Variants in SLC37A1 observed in about 807,000 individuals in gnomAD.
SLC37A1 encodes the protein solute carrier family 37 member 1, also known as glucose-6-phosphate exchanger SLC37A1.
A neutral mutation model predicts 75.3 loss-of-function variants in SLC37A1; 49 were observed. The ratio of observed to expected loss-of-function variants is 0.65; its 90% CI spans 0.52 to 0.83. SLC37A1 has a LOEUF of 0.83. SLC37A1 is among the 40% of genes least tolerant of loss of function. The pLI, the probability that SLC37A1 is intolerant of heterozygous loss-of-function variation, is 0.00. For synonymous variants in SLC37A1, 268 were observed against 292.1 expected (o/e 0.92, Z 0.84); for missense variants, 566 against 695.0 (o/e 0.81, Z 2.09).
rs2055455401 is a variant in SLC37A1, at chr21:42,547,980, C to T, written c.768+840C>T. Among the ~76,000 whole-genome samples, 1 of 152,170 alleles carries T rather than the reference C, an allele frequency of 6.6e-6. No homozygotes were observed. The highest frequency in any genetic ancestry group is 1.5e-5 in the Non-Finnish European group (1 of 68,024). On this transcript the variant is annotated intron_variant, in intron 9 of 19. Transcript: ENST00000352133. The surrounding 1 kb of genome is among the most constrained non-coding windows in gnomAD (Gnocchi z 6.1). ...CACATAGGGTGGTCAGCTCTCTGGC[C>T]TCACCCTGCTGGGCCCGTCGCCCGC...
At chr21:42,500,008 C>T (rs12482149) in intron 1 of SLC37A1, among the ~76,000 whole-genome samples, 4,591 of 152,334 alleles carry the variant, frequency 0.03, 114 homozygotes, top group Non-Finnish European at 0.045. Context: ...TTGGCAGTTG[C>T]CATGGCGACT....
chr21:42,571,541 C>G (rs1027599312), intron 17 of SLC37A1, among the ~76,000 whole-genome samples: 2 of 152,124 alleles, frequency 1.3e-5, no homozygotes, highest in African/African-American at 4.8e-5. Flanking sequence ...CCCCAGCCCT[C>G]TCTTTCTAGA....
At chr21:42,522,771 A>C (rs1204388800) in intron 2 of SLC37A1, among the ~76,000 whole-genome samples, 1 of 152,236 alleles carries the variant, frequency 6.6e-6, no homozygotes, top group Non-Finnish European at 1.5e-5. Context: ...ACACCGTGGC[A>C]GTGACTCTTC....
At chr21:42,579,953 T>G (rs380161) in intron 19 of SLC37A1, among the ~76,000 whole-genome samples, 153 bp downstream of exon 19, 94,904 of 152,100 alleles carry the variant, frequency 0.62, 30,329 homozygotes, top group Admixed American at 0.7. Context: ...CTTTTTCTTT[T>G]CTAATAAATA....
intron 10 of SLC37A1, among the ~76,000 whole-genome samples, chr21:42,556,209 A>C (rs2055687480): frequency 6.6e-6 from 1 of 152,084 alleles, no homozygotes; most frequent in Non-Finnish European, 1.5e-5. Context: ...GTTTTAGAGG[A>C]TTGTCTTGGG....
intron 12 of SLC37A1, among the ~76,000 whole-genome samples, chr21:42,562,884 C>A (rs1180185718): frequency 1.3e-5 from 2 of 152,116 alleles, no homozygotes; most frequent in Admixed American, 6.5e-5. Flanking sequence ...GGGGCAGAAT[C>A]CGGCAATGTC....
intron 17 of SLC37A1, among the ~76,000 whole-genome samples, chr21:42,572,601 T>G (rs978741041): frequency 6.6e-6 from 1 of 150,976 alleles, no homozygotes; most frequent in Admixed American, 6.7e-5. Context: ...TTCTCTGCCC[T>G]TTCAGTGCAT....
intron 2 of SLC37A1, among the ~76,000 whole-genome samples, chr21:42,525,233 A>C (rs1252907280): frequency 6.6e-6 from 1 of 152,224 alleles, no homozygotes; most frequent in Admixed American, 6.5e-5. Flanking sequence ...TGTTTCCCTG[A>C]GTTCTACGAG....
chr21:42,539,682 G>A (rs1398700010), intron 6 of SLC37A1, 35 bp downstream of exon 6: 2 of 1,591,202 alleles, frequency 1.3e-6, no homozygotes, highest in African/African-American at 2.7e-5. Flanking sequence ...CCATGTACGG[G>A]GTTTCCTTGG....
At chr21:42,525,153 T>C (rs904051097) in intron 2 of SLC37A1, among the ~76,000 whole-genome samples, 2 of 152,220 alleles carry the variant, frequency 1.3e-5, no homozygotes, top group African/African-American at 4.8e-5. Context: ...CCCTGCCCCA[T>C]ACCTCGCCCT....
rs369143391 is a variant in SLC37A1, at chr21:42,526,678, C to T, written c.138+821C>T. 3.8e-3 allele frequency among the ~76,000 whole-genome samples: 584 copies of T among 152,274 alleles called. 5 individuals carry two copies. The highest frequency in any genetic ancestry group is 0.014 in the African/African-American group (563 of 41,556). ...AATGCAGAGGCTGGCTGTTTTGTGA[C>T]GGTCCTAGGTTCCCCACTCTCCAGC... On this transcript the variant is annotated intron_variant, in intron 3 of 19. Coordinates refer to ENST00000352133, the MANE Select transcript of SLC37A1 (RefSeq NM_001320537.2).
At chr21:42,534,440 T>C (rs546247155) in intron 3 of SLC37A1, among the ~76,000 whole-genome samples, 1 of 152,300 alleles carries the variant, frequency 6.6e-6, no homozygotes, top group Non-Finnish European at 1.5e-5. Flanking sequence ...TCTGGTGGCA[T>C]ATGAAGATGG....
chr21:42,519,318 C>T (rs138423805), intron 2 of SLC37A1, among the ~76,000 whole-genome samples: 15 of 152,244 alleles, frequency 9.9e-5, no homozygotes, highest in East Asian at 9.7e-4. Context: ...TGTGGGCAAA[C>T]GAATGGCTTT....
intron 9 of SLC37A1, among the ~76,000 whole-genome samples, chr21:42,549,360 G>A (rs228087): frequency 4.0e-4 from 61 of 151,958 alleles, no homozygotes; most frequent in African/African-American, 1.3e-3. Context: ...TCTGCTCCTC[G>A]TGTGTATGAG....
chr21:42,540,578 C>T (rs890571997), intron 6 of SLC37A1, among the ~76,000 whole-genome samples: 7 of 152,154 alleles, frequency 4.6e-5, no homozygotes, highest in South Asian at 2.1e-4. Context: ...GAGGACAGCG[C>T]GCGCTGGCTT....
chr21:42,506,369 G>C (rs1327901091), intron 2 of SLC37A1, among the ~76,000 whole-genome samples: 1 of 152,120 alleles, frequency 6.6e-6, no homozygotes, highest in Non-Finnish European at 1.5e-5. Flanking sequence ...GGACTTTGTG[G>C]TTCTCTCCTT....
At chr21:42,559,514 A>G (rs895872130) in intron 11 of SLC37A1, among the ~76,000 whole-genome samples, 6 of 152,184 alleles carry the variant, frequency 3.9e-5, no homozygotes, top group African/African-American at 1.2e-4. Context: ...GCGTGAGCCC[A>G]TGGGAGGCGC....
At chr21:42,524,664 C>T (rs115503130) in intron 2 of SLC37A1, among the ~76,000 whole-genome samples, 1,932 of 152,358 alleles carry the variant, frequency 0.013, 36 homozygotes, top group African/African-American at 0.044. Context: ...AACATTTCAT[C>T]GTGCTTGTTC....
chr21:42,526,404 C>T (rs187333120), intron 3 of SLC37A1, among the ~76,000 whole-genome samples: 2 of 152,332 alleles, frequency 1.3e-5, no homozygotes, highest in East Asian at 1.9e-4. Context: ...ATTGGGATTA[C>T]GTCACCCGGC....
Sources: allele counts gnomAD v4.1 joint callset (sites outside exome capture counted in the v4.1 genomes callset), GRCh38; gene constraint gnomAD v4.1.1; non-coding constraint Gnocchi (gnomAD v3.1); transcripts MANE v1.5; gene names NCBI Gene and HGNC (gene_info 2026-07-23, HGNC 2026-07-21).